EAF1: variants seen among roughly 807,000 people sequenced by gnomAD.
The protein encoded by EAF1 is ELL-associated factor 1.
In EAF1, 19 loss-of-function variants were observed where a neutral mutation model predicts 26.6. The ratio of observed to expected loss-of-function variants is 0.71; its 90% confidence interval spans 0.50 to 1.05. The LOEUF (loss-of-function observed/expected upper bound fraction) is 1.05, where lower values mean the gene tolerates loss of function less well. EAF1 is among the 50% of genes least tolerant of loss of function. The pLI is 0.00. For synonymous variants in EAF1, 102 were observed against 120.6 expected (o/e 0.85, Z 1.01); for missense variants, 260 against 335.5 (o/e 0.78, Z 1.76).
At chr3:15,433,035 A>G (rs960633031) in intron 3 of EAF1, 1 of 151,908 alleles carries the variant, frequency 6.6e-6, no homozygotes, top group Admixed American at 6.6e-5. Flanking sequence ...ACTCTGCTAG[A>G]TGCTTTATAT....
In EAF1 at chr3:15,434,442, C is replaced by T. The variant is rs1217768528; in HGVS notation, c.430C>T (p.Pro144Ser). 6.2e-6 allele frequency: 10 copies of T among 1,614,238 alleles called. No individual in the cohort carries two copies. The highest frequency in any genetic ancestry group is 7.6e-6 in the Non-Finnish European group (9 of 1,180,044). ...SQPPPPPPPM[P>S]FRAPTKPPVG... ...GCCACCACCACCTCCACCACCTATG[C>T]CATTCAGAGCTCCAACGAAGCCTCC... Residue 144 changes from proline to serine, a missense_variant, in exon 4 of 6, where the codon CCA becomes TCA. By Grantham distance (74) the Pro-to-Ser change is moderately conservative. Transcript: ENST00000396842.
rs752261344 is a variant in EAF1, at chr3:15,436,505, C to A, written c.690C>A (p.Tyr230Ter). 5 of 1,605,262 alleles carry A rather than the reference C, an allele frequency of 3.1e-6. No individual in the cohort carries two copies. The highest frequency in any genetic ancestry group is 4.3e-6 in the Non-Finnish European group (5 of 1,172,514). ...CGCAGCCTTCACACCAGCAGCCCTA[C>A]AACAGTAGGCCTGCCGTTGCCAATG... is the stretch of plus-strand genomic sequence containing the variant. ...SPPQPSHQQPYNSRPAVANGT... is the reference protein window; with the variant it reads ...SPPQPSHQQP Residue 230 changes from tyrosine to a stop codon, truncating the protein, a stop_gained, in exon 5 of 6, where the codon TAC (tyrosine) becomes TAA (stop). Transcript: ENST00000396842. LOFTEE classifies it high-confidence loss of function.
In EAF1 at chr3:15,436,387, G is replaced by C. The variant is rs765132915; in HGVS notation, c.572G>C (p.Ser191Thr). Residue 191 changes from serine (S) to threonine (T), a missense_variant, in exon 5 of 6, where the codon AGT becomes ACT. Coordinates refer to ENST00000396842, the MANE Select transcript of EAF1 (RefSeq NM_033083.7). The stretch of plus-strand genomic sequence containing the variant: ...ATTATTGAACAAATGAGCAGCAGCA[G>C]TGGGAGCAGCTCTTCAGACTCTGAG... ...VDIIEQMSSS[S>T]GSSSSDSESS... 6.2e-7 allele frequency: 1 copy of C among 1,613,600 alleles called. No individual in the cohort carries two copies. Among genetic ancestry groups the C allele is most frequent in the Non-Finnish European group, 8.5e-7 (1 of 1,179,578 alleles).
In EAF1 at chr3:15,434,209, A is replaced by G. The variant is rs1335468176; in HGVS notation, c.336-139A>G. 26 of 939,336 alleles carry G rather than the reference A, an allele frequency of 2.8e-5. 1 individual carries two copies. In the South Asian group the frequency reaches 3.5e-4, roughly 13 times the overall value. 58.2% of individuals were successfully genotyped at this position (939,336 alleles called of 1,614,324 possible). On this transcript the variant is annotated intron_variant, in intron 3 of 5. Coordinates refer to ENST00000396842, the MANE Select transcript of EAF1 (RefSeq NM_033083.7). ...TGTTGAATGAATAGCTCACATGACA[A>G]AATTACAAGTATCAGTATTTTGAAG...
intron 5 of EAF1, among the ~76,000 whole-genome samples, chr3:15,438,082 C>T (rs1277868666): frequency 2.6e-5 from 4 of 152,080 alleles, no homozygotes; most frequent in Non-Finnish European, 5.9e-5. Context: ...AGGATCAGAC[C>T]CCCCTGAAAG....
chr3:15,436,340 A>G lies in EAF1; in HGVS notation c.527-2A>G. On this transcript the variant is annotated splice_acceptor_variant, in intron 4 of 5. Coordinates refer to ENST00000396842, the MANE Select transcript of EAF1 (RefSeq NM_033083.7). LOFTEE classifies it high-confidence loss of function. ...TGATCCATGTCATATCCTTTATTCC[A>G]GAGCTGAGGGCTGAAGTTGACATTA... The G allele has an allele frequency of 6.3e-7, 1 of 1,599,742 alleles. No homozygotes were observed. Among genetic ancestry groups the G allele is most frequent in the Non-Finnish European group, 8.5e-7 (1 of 1,169,910 alleles).
intron 4 of EAF1, 36 bp downstream of exon 4, chr3:15,434,574 G>A: frequency 6.2e-7 from 1 of 1,608,336 alleles, no homozygotes; most frequent in South Asian, 1.1e-5. Flanking sequence ...ATAGCAACTT[G>A]GAGTAGAGTG....
chr3:15,436,321 A>G, intron 4 of EAF1, 21 bp from the exon 5 acceptor site: 3 of 1,574,470 alleles, frequency 1.9e-6, no homozygotes, highest in Middle Eastern at 1.7e-4. Context: ...GTGCTGATCC[A>G]TGTCATATCC....
rs1336128403 is a variant in EAF1 at position 15,440,562 on chromosome 3, G to C, written c.*1407G>C. 6.6e-6 allele frequency: 1 copy of C among 152,162 alleles called. No individual in the cohort carries two copies. Among genetic ancestry groups the C allele is most frequent in the African/African-American group, 2.4e-5 (1 of 41,410 alleles). 9.4% of individuals were successfully genotyped at this position (152,162 alleles called of 1,614,324 possible). On this transcript the variant is annotated 3_prime_UTR_variant, in exon 6 of 6. Transcript: ENST00000396842. Reference sequence around the variant, plus strand: ...CACTCATATGGCCTCTCCCTCCCCAGCTAGTGGAGGGGAAGCAGTCTGGAC... The same window carrying C: ...CACTCATATGGCCTCTCCCTCCCCACCTAGTGGAGGGGAAGCAGTCTGGAC...
Position 15,428,838 on chromosome 3 carries a change from C to G in EAF1, c.103+956C>G, listed in dbSNP as rs182893027. On this transcript the variant is annotated intron_variant, in intron 1 of 5. Coordinates refer to ENST00000396842, the MANE Select transcript of EAF1 (RefSeq NM_033083.7). Reference sequence around the variant, plus strand: ...TTGTCAGAGGACCTAATAGATGTGACTCAACACATGTGAAGAGGGCGTTTT... The same window carrying G: ...TTGTCAGAGGACCTAATAGATGTGAGTCAACACATGTGAAGAGGGCGTTTT... 4.2e-4 allele frequency among the ~76,000 whole-genome samples: 64 copies of G among 152,310 alleles called. No individual in the cohort carries two copies. In the East Asian group the frequency reaches 0.012, roughly 28 times the overall value.
At chr3:15,430,623 T>C (rs2061797343) in intron 2 of EAF1, among the ~76,000 whole-genome samples, 2 of 152,110 alleles carry the variant, frequency 1.3e-5, no homozygotes, top group African/African-American at 2.4e-5. Flanking sequence ...CCCTGCTGAT[T>C]ATATGGCCAC....
At chr3:15,436,243 T>C (rs1260548511) in intron 4 of EAF1, 99 bp from the exon 5 acceptor site, 4 of 840,402 alleles carry the variant, frequency 4.8e-6, no homozygotes, top group Non-Finnish European at 7.0e-6. Flanking sequence ...AATTATTTCT[T>C]ATTGCTGTTG....
intron 1 of EAF1, among the ~76,000 whole-genome samples, chr3:15,429,138 C>T (rs1478087798): frequency 2.0e-5 from 3 of 152,114 alleles, no homozygotes; most frequent in Admixed American, 1.3e-4. Context: ...TTTAGAAACA[C>T]GAGCAGGATA....
rs112193323 is a variant in EAF1 at position 15,434,402 on chromosome 3, T to C, written c.390T>C (p.Pro130=). ...QARMEQQPTR[P]PQTSQPPPPP... ...GAATGGAACAGCAGCCCACTCGTCC[T>C]CCACAGACGTCACAGCCACCACCAC... The change falls in exon 4 of 6, where the codon CCT becomes CCC. Residue 130 remains proline (P), a synonymous_variant. Coordinates refer to ENST00000396842, the MANE Select transcript of EAF1 (RefSeq NM_033083.7). The C allele has an allele frequency of 6.2e-7, 1 of 1,614,076 alleles. No homozygotes were observed. The highest frequency in any genetic ancestry group is 1.7e-5 in the Admixed American group (1 of 60,000).
chr3:15,434,237 G>A, intron 3 of EAF1, 111 bp from the exon 4 acceptor site: 1 of 1,229,192 alleles, frequency 8.1e-7, no homozygotes, highest in Non-Finnish European at 1.1e-6. Flanking sequence ...TTTTGAAGTG[G>A]TCTGGAAAGA....
rs1265896830 is a variant in EAF1, at chr3:15,429,052, G to A, written c.104-861G>A. ...GTGGAATTTAAATCATATAGTTCAT[G>A]TGTGCACCTGTCCTGCAGTTTGAGG... is the stretch of plus-strand genomic sequence containing the variant. On this transcript the variant is annotated intron_variant, in intron 1 of 5. Transcript: ENST00000396842. Among the ~76,000 whole-genome samples the A allele has an allele frequency of 2.0e-5, 3 of 152,328 alleles. No homozygotes were observed. The South Asian group carries it at 6.2e-4, about 32-fold the overall frequency.
chr3:15,437,399 C>A (rs2061842422), intron 5 of EAF1, among the ~76,000 whole-genome samples: 1 of 151,740 alleles, frequency 6.6e-6, no homozygotes, highest in South Asian at 2.1e-4. Context: ...GTGATCCACC[C>A]ACCTCGGCTT....
intron 4 of EAF1, 30 bp downstream of exon 4, chr3:15,434,568 C>T (rs113050133): frequency 1.2e-6 from 2 of 1,609,590 alleles, no homozygotes; most frequent in Non-Finnish European, 1.7e-6. Flanking sequence ...TCCATGATAG[C>T]AACTTGGAGT....
chr3:15,430,154 T>G, intron 2 of EAF1, 147 bp downstream of exon 2: 1 of 608,668 alleles, frequency 1.6e-6, no homozygotes, highest in Admixed American at 3.3e-5. Flanking sequence ...GGGAGTGGGG[T>G]GGGGTGGACT....
Sources: gnomAD v4.1 joint callset for allele counts (sites outside exome capture counted in the v4.1 genomes callset) on GRCh38, gnomAD v4.1.1 for gene constraint, MANE v1.5 for transcripts, NCBI Gene and HGNC (gene_info 2026-07-23, HGNC 2026-07-21) for gene names.